MLKL: variants seen among roughly 807,000 people sequenced by gnomAD.
MLKL encodes mixed lineage kinase domain-like protein.
In MLKL, 55 loss-of-function variants were observed where a neutral mutation model predicts 56.5. The observed-to-expected ratio is 0.97, with a 90% CI of 0.78 to 1.22. MLKL has a LOEUF of 1.22. Among genes scored for constraint, MLKL ranks in the 50% most tolerant of loss-of-function variants. MLKL has a pLI of 0.00. For synonymous variants in MLKL, 251 were observed against 208.3 expected, an observed-to-expected ratio of 1.20 and a Z score of -1.76; for missense variants, 694 against 573.9, an observed-to-expected ratio of 1.21 and a Z score of -2.14.
At chr16:74,698,930 T>C (rs922932533) in intron 1 of MLKL, among the ~76,000 whole-genome samples, 2 of 152,020 alleles carry the variant, frequency 1.3e-5, no homozygotes, top group Non-Finnish European at 2.9e-5. Flanking sequence ...CCGGCCAACA[T>C]GGTGAAACCC....
At position 74,682,751 on chromosome 16, in the gene MLKL, A is replaced by G. The variant is rs1960067568; in HGVS notation, c.856T>C (p.Cys286Arg). Residue 286 changes from cysteine (C) to arginine (R), a missense_variant, in exon 6 of 11, where the codon TGT becomes CGT. Coordinates refer to ENST00000308807, the MANE Select transcript of MLKL (RefSeq NM_152649.4). ...AGCTCCCTCAGGGTCCCGAGTTCAC[A>G]GTACTCCATGACAATGGAGAATTGA... is the stretch of plus-strand genomic sequence containing the variant. ...PPQFSIVMEY[C>R]ELGTLRELLD... is the part of the protein sequence containing the mutation. 1.9e-6 allele frequency: 3 copies of G among 1,614,114 alleles called. No homozygotes were observed. The highest frequency in any genetic ancestry group is 2.5e-6 in the Non-Finnish European group (3 of 1,180,016).
intron 4 of MLKL, among the ~76,000 whole-genome samples, chr16:74,686,522 G>T (rs1178355653): frequency 6.6e-6 from 1 of 152,214 alleles, no homozygotes; most frequent in Non-Finnish European, 1.5e-5. Context: ...GGTGGAGCTT[G>T]CAGTGAGCCG....
chr16:74,682,912 A>G (rs1960082841), intron 5 of MLKL, 126 bp from the exon 6 acceptor site: 18 of 1,122,538 alleles, frequency 1.6e-5, no homozygotes, highest in South Asian at 1.1e-4. Flanking sequence ...TTCTCCCCCA[A>G]TCCTCAGCCC....
rs1187587021 is a variant in MLKL at position 74,682,753 on chromosome 16, T to C, written c.854A>G (p.Tyr285Cys). The C allele has an allele frequency of 1.2e-6, 2 of 1,614,114 alleles. No individual in the cohort carries two copies. The highest frequency in any genetic ancestry group is 1.7e-6 in the Non-Finnish European group (2 of 1,180,010). ...TPPQFSIVMEYCELGTLRELL... is the reference protein window; with the variant it reads ...TPPQFSIVMECCELGTLRELL... ...CTCCCTCAGGGTCCCGAGTTCACAG[T>C]ACTCCATGACAATGGAGAATTGAGG... The change falls in exon 6 of 11, where the codon TAC (tyrosine) becomes TGC (cysteine). Residue 285 changes from tyrosine to cysteine, a missense_variant. By Grantham distance (194) the Tyr-to-Cys change is radical. Transcript: ENST00000308807.
chr16:74,678,665 C>T (rs1176514851), intron 7 of MLKL, among the ~76,000 whole-genome samples: 2 of 152,010 alleles, frequency 1.3e-5, no homozygotes, highest in African/African-American at 4.8e-5. Flanking sequence ...TGGCTGTAAT[C>T]CCAGCTACTT....
Position 74,682,725 on chromosome 16 carries a change from C to T in MLKL, c.882G>A (p.Leu294=), listed in dbSNP as rs768228360. The T allele has an allele frequency of 1.9e-6, 3 of 1,614,140 alleles. No individual in the cohort carries two copies. In the Admixed American group the frequency reaches 5.0e-5, roughly 27 times the overall value. The change falls in exon 6 of 11, where the codon CTG becomes CTA. Residue 294 remains leucine (L), a synonymous_variant. Transcript: ENST00000308807. The part of the protein sequence containing the change: ...EYCELGTLRE[L]LDREKDLTLG... Reference sequence around the variant, plus strand: ...GTGTGAGGTCTTTTTCCCTATCCAACAGCTCCCTCAGGGTCCCGAGTTCAC... The same window carrying T: ...GTGTGAGGTCTTTTTCCCTATCCAATAGCTCCCTCAGGGTCCCGAGTTCAC...
chr16:74,679,180 G>A lies in MLKL; in HGVS notation c.957-200C>T, dbSNP rs13339420. On this transcript the variant is annotated intron_variant, in intron 6 of 10. Coordinates refer to ENST00000308807, the MANE Select transcript of MLKL (RefSeq NM_152649.4). ...AACAGAGATGAGATTCATAGCACAA[G>A]GGGGCATGACAGCCCTTATGAAGTG... Among the ~76,000 whole-genome samples the A allele has an allele frequency of 6.9e-3, 1,057 of 152,272 alleles. 9 individuals are homozygous for A. The highest frequency in any genetic ancestry group is 0.024 in the African/African-American group (1,003 of 41,558).
At chr16:74,678,261 G>A (rs902498644) in intron 7 of MLKL, 1 of 152,734 alleles carries the variant, frequency 6.5e-6, no homozygotes, top group Non-Finnish European at 1.5e-5. Context: ...CCTGTCCTGT[G>A]AGTCTGAGTC....
At position 74,700,796 on chromosome 16, in the gene MLKL, T is replaced by A. The variant is rs1961341608; in HGVS notation, c.-346A>T. On this transcript the variant is annotated 5_prime_UTR_variant, in exon 1 of 11. Transcript: ENST00000308807. The stretch of plus-strand genomic sequence containing the variant: ...GGAGGCCACTGCCTCAGGTCTGTGA[T>A]GCCTGCAGAGAATGCTGCGACACTT... 6.6e-6 allele frequency: 1 copy of A among 152,312 alleles called. No homozygotes were observed. Among genetic ancestry groups the A allele is most frequent in the African/African-American group, 2.4e-5 (1 of 41,470 alleles). 9.4% of individuals were successfully genotyped at this position (152,312 alleles called of 1,614,324 possible).
chr16:74,682,919 G>T, intron 5 of MLKL, 133 bp from the exon 6 acceptor site: 1 of 1,106,198 alleles, frequency 9.0e-7, no homozygotes, highest in Non-Finnish European at 1.3e-6. Flanking sequence ...CCAATCCTCA[G>T]CCCACAGTTT....
chr16:74,693,505 A>T (rs1162077018), intron 2 of MLKL, among the ~76,000 whole-genome samples: 1 of 137,450 alleles, frequency 7.3e-6, no homozygotes, highest in African/African-American at 2.7e-5. Flanking sequence ...AAGAAAAGAA[A>T]AAAAAAGTTC....
chr16:74,681,654 C>T (rs1363825405), intron 6 of MLKL, among the ~76,000 whole-genome samples: 5 of 151,734 alleles, frequency 3.3e-5, no homozygotes, highest in African/African-American at 1.2e-4. Context: ...ATTAGCCAGG[C>T]GTAGTGGCAG....
chr16:74,673,044 G>C (rs1215425621), intron 10 of MLKL, among the ~76,000 whole-genome samples: 1 of 152,200 alleles, frequency 6.6e-6, no homozygotes, highest in Non-Finnish European at 1.5e-5. Context: ...GATGAAGGGA[G>C]AGGAGAGATG....
chr16:74,692,536 T>C (rs1960738221), intron 2 of MLKL, 120 bp from the exon 3 acceptor site: 1 of 747,322 alleles, frequency 1.3e-6, no homozygotes, highest in Non-Finnish European at 2.2e-6. Flanking sequence ...TTCATTATGG[T>C]AGGGATTACT....
intron 2 of MLKL, among the ~76,000 whole-genome samples, chr16:74,693,281 G>A (rs781363416): frequency 7.3e-5 from 11 of 151,706 alleles, no homozygotes; most frequent in Non-Finnish European, 1.5e-4. Flanking sequence ...CTGGTCAGTA[G>A]AGATAGTGAA....
chr16:74,679,071 A>T, intron 6 of MLKL, 91 bp from the exon 7 acceptor site: 1 of 1,006,326 alleles, frequency 9.9e-7, no homozygotes, highest in Non-Finnish European at 1.6e-6. Context: ...GAGGCTGGAC[A>T]GTACCATGGG....
chr16:74,678,739 C>T (rs1454088609), intron 7 of MLKL, among the ~76,000 whole-genome samples, 160 bp downstream of exon 7: 1 of 152,190 alleles, frequency 6.6e-6, no homozygotes, highest in Non-Finnish European at 1.5e-5. Context: ...GGCGATCTCG[C>T]TCACTGCCCT....
intron 10 of MLKL, among the ~76,000 whole-genome samples, chr16:74,674,519 G>A (rs144285246): frequency 0.012 from 1,838 of 150,578 alleles, 20 homozygotes; most frequent in South Asian, 0.023. Context: ...GTACAGTGGC[G>A]TGATCTTGGC....
chr16:74,675,079 C>A lies in MLKL; in HGVS notation c.1262G>T (p.Arg421Leu), dbSNP rs55987292. 1.2e-6 allele frequency: 2 copies of A among 1,614,074 alleles called. No homozygotes were observed. The highest frequency in any genetic ancestry group is 1.7e-6 in the Non-Finnish European group (2 of 1,180,020). ...CTGCCGCTTCACAGCCACCAGCTTG[C>A]GGATCTTCTCAGAATTACAGCCTGG... ...PFQGCNSEKI[R>L]KLVAVKRQQE... Residue 421 changes from arginine to leucine, a missense_variant, in exon 10 of 11, where the codon CGC (arginine) becomes CTC (leucine). By Grantham distance (102) the Arg-to-Leu change is moderately radical. Transcript: ENST00000308807.
Sources: gnomAD v4.1 joint callset for allele counts (sites outside exome capture counted in the v4.1 genomes callset) on GRCh38, gnomAD v4.1.1 for gene constraint, MANE v1.5 for transcripts, NCBI Gene and HGNC (gene_info 2026-07-23, HGNC 2026-07-21) for gene names.